The following PRELID2 variants were observed in gnomAD, a reference collection of about 807,000 sequenced individuals.
The protein encoded by PRELID2 is PRELI domain containing 2.
Under a neutral mutation model 28.4 loss-of-function variants are expected in PRELID2, and 25 were observed. The ratio of observed to expected loss-of-function variants is 0.88; its 90% CI spans 0.64 to 1.23. The LOEUF (loss-of-function observed/expected upper bound fraction) is 1.23. Ranked by LOEUF, PRELID2 falls within the 50% of genes most tolerant of loss-of-function variation. PRELID2 has a pLI of 0.00. For synonymous variants in PRELID2, 76 were observed against 71.6 expected (o/e 1.06, Z -0.31); for missense variants, 201 against 214.4 (o/e 0.94, Z 0.39).
At chr5:145,807,110 CAT>C (rs1753566556) in intron 4 of PRELID2, among the ~76,000 whole-genome samples, 1 of 152,174 alleles carries the variant, frequency 6.6e-6, no homozygotes, top group Admixed American at 6.5e-5. Context: ...ACCACAAACA[CAT>C]GAGTAATGCA....
chr5:145,370,823 G>A, the PRELID2 span, among the ~76,000 whole-genome samples: 1 of 151,966 alleles, frequency 6.6e-6, no homozygotes, highest in Non-Finnish European at 1.5e-5. Flanking sequence ...TCCTTGAAGA[G>A]GTCCTTCACA....
At chr5:145,588,857 T>C (rs1450734621) in intron 1 of PRELID2, among the ~76,000 whole-genome samples, 1 of 150,342 alleles carries the variant, frequency 6.7e-6, no homozygotes, top group Non-Finnish European at 1.5e-5. Flanking sequence ...CACACTGTGT[T>C]TTAGGGTATG....
At chr5:145,504,178 AG>A (rs1378451204) in intron 1 of PRELID2, among the ~76,000 whole-genome samples, 1 of 152,188 alleles carries the variant, frequency 6.6e-6, no homozygotes, top group Non-Finnish European at 1.5e-5. Context: ...ACCATGGAAC[AG>A]CACAAGCTAG....
At chr5:145,268,168 C>T in the PRELID2 span, among the ~76,000 whole-genome samples, 202 of 152,186 alleles carry the variant, frequency 1.3e-3, 4 homozygotes, top group East Asian at 0.031. Flanking sequence ...TCCATTTGTT[C>T]TTTGGTTGCC....
At chr5:145,319,869 T>TA in the PRELID2 span, among the ~76,000 whole-genome samples, 1 of 152,184 alleles carries the variant, frequency 6.6e-6, no homozygotes, top group South Asian at 2.1e-4. Flanking sequence ...CTCAACTTTT[T>TA]ACCAGAGCAG....
At chr5:145,406,456 A>T in the PRELID2 span, among the ~76,000 whole-genome samples, 2 of 152,374 alleles carry the variant, frequency 1.3e-5, no homozygotes, top group South Asian at 4.1e-4. Flanking sequence ...CAAAGGGCAG[A>T]GAAAGAATTA....
At chr5:145,422,988 C>T in the PRELID2 span, among the ~76,000 whole-genome samples, 1 of 146,962 alleles carries the variant, frequency 6.8e-6, no homozygotes. Flanking sequence ...TTCTCCTTCA[C>T]TTATGAAGCT....
chr5:145,529,685 G>T (rs1008502318), intron 1 of PRELID2, among the ~76,000 whole-genome samples: 3 of 152,036 alleles, frequency 2.0e-5, no homozygotes, highest in African/African-American at 7.2e-5. Context: ...ACATTGTAGT[G>T]ACAGATACAA....
At chr5:145,688,035 C>A (rs1003362574) in intron 1 of PRELID2, among the ~76,000 whole-genome samples, 1 of 152,198 alleles carries the variant, frequency 6.6e-6, no homozygotes, top group Non-Finnish European at 1.5e-5. Flanking sequence ...TGATCCAATG[C>A]CTCTCATTGG....
intron 1 of PRELID2, among the ~76,000 whole-genome samples, chr5:145,598,127 T>C (rs1194130130): frequency 6.6e-6 from 1 of 152,062 alleles, no homozygotes; most frequent in Non-Finnish European, 1.5e-5. Context: ...AGATGGCATA[T>C]CAAATAGAAA....
At chr5:145,352,846 T>C in the PRELID2 span, among the ~76,000 whole-genome samples, 1 of 152,124 alleles carries the variant, frequency 6.6e-6, no homozygotes, top group Non-Finnish European at 1.5e-5. Flanking sequence ...ATTCTACCAG[T>C]CTCTTTGCTA....
chr5:145,444,452 CT>C, the PRELID2 span, among the ~76,000 whole-genome samples: 12 of 151,902 alleles, frequency 7.9e-5, no homozygotes, highest in Non-Finnish European at 8.8e-5. Flanking sequence ...TAAGTGGGCT[CT>C]TTTTTTGGTC....
At chr5:145,428,462 G>T in the PRELID2 span, among the ~76,000 whole-genome samples, 1 of 152,024 alleles carries the variant, frequency 6.6e-6, no homozygotes, top group Non-Finnish European at 1.5e-5. Flanking sequence ...TGAAATTAAT[G>T]TTCTAGTACA....
chr5:145,494,830 G>T (rs1752296772), intron 1 of PRELID2, among the ~76,000 whole-genome samples: 1 of 152,108 alleles, frequency 6.6e-6, no homozygotes. Flanking sequence ...GAGAAAATGG[G>T]AGATAACTTG....
the PRELID2 span, among the ~76,000 whole-genome samples, chr5:145,385,861 T>A: frequency 5.3e-5 from 8 of 152,196 alleles, no homozygotes; most frequent in Middle Eastern, 6.8e-3. Flanking sequence ...ACTGAAAACA[T>A]ATTTTCTTTC....
rs7726773 is a variant in PRELID2 at position 145,505,037 on chromosome 5, T to C, written n.71-31722A>G. ...ATCCTATTCTCCTTAATCCACTAAT[T>C]TGATATATTGTCATTCAATAACACA... On this transcript the variant is annotated intron_variant and non_coding_transcript_variant, in intron 1 of 2. Coordinates refer to the PRELID2 transcript ENST00000510259. Among the ~76,000 whole-genome samples, 670 of 152,236 alleles carry C rather than the reference T, an allele frequency of 4.4e-3. 4 individuals carry two copies. Among genetic ancestry groups the C allele is most frequent in the African/African-American group, 0.015 (631 of 41,532 alleles).
chr5:145,429,026 C>T, the PRELID2 span, among the ~76,000 whole-genome samples: 2 of 152,164 alleles, frequency 1.3e-5, no homozygotes, highest in Middle Eastern at 3.2e-3. Context: ...TGTAAATGGA[C>T]TTCTGCTTTC....
the PRELID2 span, among the ~76,000 whole-genome samples, chr5:145,279,363 A>G: frequency 2.6e-5 from 4 of 152,314 alleles, no homozygotes; most frequent in African/African-American, 9.6e-5. Flanking sequence ...AATGACAGGC[A>G]TGGTAAAGTT....
chr5:145,695,924 G>C (rs866847847), intron 1 of PRELID2, among the ~76,000 whole-genome samples: 13 of 152,156 alleles, frequency 8.5e-5, no homozygotes, highest in East Asian at 3.9e-4. Flanking sequence ...AATATCAGAG[G>C]GGGGAGAATC....
Sources: allele counts gnomAD v4.1 joint callset (sites outside exome capture counted in the v4.1 genomes callset), GRCh38; gene constraint gnomAD v4.1.1; transcripts MANE v1.5; gene names NCBI Gene and HGNC (gene_info 2026-07-23, HGNC 2026-07-21).